Variants in DAND5 observed in about 807,000 individuals in gnomAD.
DAND5 encodes the protein DAN domain BMP antagonist family member 5.
DAND5 carries 8 observed loss-of-function variants against 9.2 expected under a neutral mutation model. That is an observed-to-expected ratio of 0.87 (90% CI 0.51 to 1.56). The LOEUF is 1.56. Among genes scored for constraint, DAND5 ranks in the 40% most tolerant of loss-of-function variants. DAND5 has a pLI of 0.00. For synonymous variants in DAND5, 95 were observed against 101.1 expected (o/e 0.94, Z 0.36); for missense variants, 244 against 244.7 (o/e 1.00, Z 0.02).
chr19:12,973,097 C>G (rs571564748), intron 1 of DAND5, among the ~76,000 whole-genome samples: 1 of 151,110 alleles, frequency 6.6e-6, no homozygotes, highest in Non-Finnish European at 1.5e-5. Flanking sequence ...CTGCTGACCT[C>G]GTGATCCGCC....
chr19:12,973,491 G>A lies in DAND5; in HGVS notation c.427G>A (p.Val143Ile). ...CCCTGGCTCGGACCCCACCCCACTA[G>A]TCCTGTGCAACAGCTGTATGCCTGC... is the stretch of plus-strand genomic sequence containing the variant. ...YIPGSDPTPL[V>I]LCNSCMPARK... Residue 143 changes from valine to isoleucine, a missense_variant, in exon 2 of 2, where the codon GTC (valine) becomes ATC (isoleucine). Physicochemically the swap from Val to Ile is conservative, Grantham distance 29 (BLOSUM62 3). Transcript: ENST00000317060. 6.2e-7 allele frequency: 1 copy of A among 1,614,132 alleles called. No homozygotes were observed. Among genetic ancestry groups the A allele is most frequent in the Non-Finnish European group, 8.5e-7 (1 of 1,180,022 alleles).
intron 1 of DAND5, among the ~76,000 whole-genome samples, chr19:12,973,075 G>T (rs113440260): frequency 0.02 from 3,072 of 151,220 alleles, 115 homozygotes; most frequent in African/African-American, 0.071. Context: ...TGTTGGCCAG[G>T]ATGGTCTCGA....
chr19:12,969,979 G>A lies in DAND5; in HGVS notation c.319G>A (p.Val107Ile), dbSNP rs552889359. 28 of 1,613,726 alleles carry A rather than the reference G, an allele frequency of 1.7e-5. No homozygotes were observed. The South Asian group carries it at 1.8e-4, about 10-fold the overall frequency. ...IQGMCKAVPFVQVFSRPGCSA... is the reference protein window; with the variant it reads ...IQGMCKAVPFIQVFSRPGCSA... ...GGGGATGTGTAAGGCTGTGCCCTTC[G>A]TTCAGGTGAGTGGGTGGGTGTGGGG... Residue 107 changes from valine (V) to isoleucine (I), a missense_variant, in exon 1 of 2, where the codon GTT becomes ATT. Physicochemically the swap from Val to Ile is conservative, Grantham distance 29 (BLOSUM62 3). Transcript: ENST00000317060.
At chr19:12,970,935 C>T (rs1018511785) in intron 1 of DAND5, among the ~76,000 whole-genome samples, 9 of 152,186 alleles carry the variant, frequency 5.9e-5, no homozygotes, top group South Asian at 2.1e-4. Flanking sequence ...CCTGCCTCGG[C>T]CCCCCAAGTG....
intron 1 of DAND5, among the ~76,000 whole-genome samples, chr19:12,972,322 G>A (rs573306466): frequency 1.3e-5 from 2 of 152,002 alleles, no homozygotes; most frequent in South Asian, 2.1e-4. Context: ...GCCTCCCAAA[G>A]TGCTGGGATT....
At chr19:12,973,141 C>A (rs576162459) in intron 1 of DAND5, among the ~76,000 whole-genome samples, 1 of 152,146 alleles carries the variant, frequency 6.6e-6, no homozygotes, top group Non-Finnish European at 1.5e-5. Flanking sequence ...GGATTACAGG[C>A]GTGAGCCACC....
Position 12,974,490 on chromosome 19 carries a change from G to A in DAND5, c.*856G>A, listed in dbSNP as rs1271716151. 1.3e-5 allele frequency: 2 copies of A among 148,966 alleles called. No individual in the cohort carries two copies. Among genetic ancestry groups the A allele is most frequent in the Admixed American group, 6.8e-5 (1 of 14,798 alleles). 9.2% of individuals were successfully genotyped at this position (148,966 alleles called of 1,614,324 possible). On this transcript the variant is annotated 3_prime_UTR_variant, in exon 2 of 2. Coordinates refer to ENST00000317060, the MANE Select transcript of DAND5 (RefSeq NM_152654.3). ...GGGTAGATGGCCCCACCCAGACCGA[G>A]AGACACAGTGATGACCTCAGCCTAG...
intron 1 of DAND5, among the ~76,000 whole-genome samples, chr19:12,972,253 G>T (rs1031752481): frequency 1.3e-5 from 2 of 151,886 alleles, no homozygotes. Flanking sequence ...TAGAGACGGG[G>T]TTTCACCATA....
rs760038338 is a variant in DAND5, at chr19:12,969,676, C to T, written c.16C>T (p.Leu6=). 16 of 1,605,292 alleles carry T rather than the reference C, an allele frequency of 1.0e-5. No individual in the cohort carries two copies. The East Asian group carries it at 3.6e-4, about 36-fold the overall frequency. The change falls in exon 1 of 2, where the codon CTA becomes TTA. Residue 6 remains leucine (L), a synonymous_variant. Transcript: ENST00000317060. MLLGQ[L]STLLCLLSGA... is the part of the protein sequence containing the mutation. The stretch of plus-strand genomic sequence containing the variant: ...GGACAAGCAGATGCTCCTTGGCCAG[C>T]TATCCACTCTTCTGTGCCTGCTTAG...
chr19:12,973,417 T>C lies in DAND5; in HGVS notation c.353T>C (p.Ile118Thr). ...QVFSRPGCSAIRLRNHLCFGH... is the reference protein window; with the variant it reads ...QVFSRPGCSATRLRNHLCFGH... ...TTCTCCCGGCCCGGCTGCTCAGCCA[T>C]ACGCCTCCGAAATCATCTGTGCTTT... Residue 118 changes from isoleucine to threonine, a missense_variant, in exon 2 of 2, where the codon ATA (isoleucine) becomes ACA (threonine). Coordinates refer to ENST00000317060, the MANE Select transcript of DAND5 (RefSeq NM_152654.3). The C allele has an allele frequency of 6.2e-7, 1 of 1,614,090 alleles. No homozygotes were observed. The highest frequency in any genetic ancestry group is 8.5e-7 in the Non-Finnish European group (1 of 1,180,022).
chr19:12,970,539 T>A, intron 1 of DAND5: 1 of 627,820 alleles, frequency 1.6e-6, no homozygotes, highest in Non-Finnish European at 2.9e-6. Flanking sequence ...GTTCTAGGTG[T>A]GAGCCCGTCT....
chr19:12,969,665 T>C lies in DAND5; in HGVS notation c.5T>C (p.Leu2Pro), dbSNP rs1174055834. 6.2e-7 allele frequency: 1 copy of C among 1,602,382 alleles called. No individual in the cohort carries two copies. The highest frequency in any genetic ancestry group is 8.5e-7 in the Non-Finnish European group (1 of 1,174,878). ...GACAGACGCACGGACAAGCAGATGCTCCTTGGCCAGCTATCCACTCTTCTG... is the reference window on the plus strand; with the variant it reads ...GACAGACGCACGGACAAGCAGATGCCCCTTGGCCAGCTATCCACTCTTCTG... Reference protein sequence around the residue: MLLGQLSTLLCL... With the variant: MPLGQLSTLLCL... The change falls in exon 1 of 2, where the codon CTC (leucine) becomes CCC (proline). Residue 2 changes from leucine (L) to proline (P), a missense_variant. Leu to Pro is a moderately conservative substitution (Grantham distance 98). Coordinates refer to ENST00000317060, the MANE Select transcript of DAND5 (RefSeq NM_152654.3).
intron 1 of DAND5, among the ~76,000 whole-genome samples, chr19:12,972,861 CTT>C (rs1212086930): frequency 9.5e-6 from 1 of 104,714 alleles, no homozygotes. Flanking sequence ...AATTTCTTTT[CTT>C]TTTTTTTTTT....
rs769094412 is a variant in DAND5, at chr19:12,969,985, G to C, written c.324+1G>C. 6.2e-7 allele frequency: 1 copy of C among 1,613,542 alleles called. No individual in the cohort carries two copies. Among genetic ancestry groups the C allele is most frequent in the African/African-American group, 1.3e-5 (1 of 74,916 alleles). On this transcript the variant is annotated splice_donor_variant, in intron 1 of 1. Transcript: ENST00000317060. LOFTEE classifies it high-confidence loss of function. ...GTGTAAGGCTGTGCCCTTCGTTCAG[G>C]TGAGTGGGTGGGTGTGGGGAGGAGA...
chr19:12,970,542 GC>G (rs1342818603), intron 1 of DAND5: 1 of 616,864 alleles, frequency 1.6e-6, no homozygotes, highest in Non-Finnish European at 3.0e-6. Context: ...CTAGGTGTGA[GC>G]CCGTCTCTTG....
chr19:12,970,106 C>T, intron 1 of DAND5, 122 bp downstream of exon 1: 2 of 1,194,158 alleles, frequency 1.7e-6, no homozygotes, highest in Non-Finnish European at 2.3e-6. Flanking sequence ...CTCGGTGCCT[C>T]AGTTTCCTCC....
Position 12,973,504 on chromosome 19 carries a change from G to A in DAND5, c.440G>A (p.Ser147Asn). 1 of 1,614,188 alleles carries A rather than the reference G, an allele frequency of 6.2e-7. No individual in the cohort carries two copies. Among genetic ancestry groups the A allele is most frequent in the South Asian group, 1.1e-5 (1 of 91,086 alleles). Residue 147 changes from serine to asparagine, a missense_variant, in exon 2 of 2, where the codon AGC (serine) becomes AAC (asparagine). Transcript: ENST00000317060. ...SDPTPLVLCN[S>N]CMPARKRWAP... ...CCCACCCCACTAGTCCTGTGCAACA[G>A]CTGTATGCCTGCTCGCAAGCGTTGG... is the stretch of plus-strand genomic sequence containing the variant.
At chr19:12,970,365 C>T in intron 1 of DAND5, 1 of 663,918 alleles carries the variant, frequency 1.5e-6, no homozygotes, top group Non-Finnish European at 2.7e-6. Flanking sequence ...CTGATTTCAC[C>T]TCCTCCCACT....
At chr19:12,970,592 CTTTT>C (rs1311506404) in intron 1 of DAND5, 5 of 488,606 alleles carry the variant, frequency 1.0e-5, no homozygotes, top group East Asian at 6.7e-5. Flanking sequence ...TTCTTTCTTT[CTTTT>C]TCTCTTTCTT....
Sources: gnomAD v4.1 joint callset for allele counts (sites outside exome capture counted in the v4.1 genomes callset) on GRCh38, gnomAD v4.1.1 for gene constraint, MANE v1.5 for transcripts, NCBI Gene and HGNC (gene_info 2026-07-23, HGNC 2026-07-21) for gene names.